ABI3BP: variants seen among roughly 807,000 people sequenced by gnomAD.
ABI3BP encodes target of Nesh-SH3.
Under a neutral mutation model 268.6 loss-of-function variants are expected in ABI3BP, and 216 were observed. That is an observed-to-expected ratio of 0.80 (90% CI 0.72 to 0.90). The LOEUF is 0.90. Ranked by LOEUF, ABI3BP falls within the 40% of genes least tolerant of loss-of-function variation. ABI3BP has a pLI of 0.00. For missense variants in ABI3BP, 2,090 were observed against 2,182.4 expected (o/e 0.96, Z 0.84); for synonymous variants, 730 against 730.0 (o/e 1.00, Z 0.00).
At chr3:100,897,467 A>G (rs1412481593) in intron 4 of ABI3BP, among the ~76,000 whole-genome samples, 2 of 152,204 alleles carry the variant, frequency 1.3e-5, no homozygotes, top group Non-Finnish European at 1.5e-5. Context: ...TTCACATAAT[A>G]GACTATCACT....
At chr3:100,847,796 G>A (rs2098789872) in intron 18 of ABI3BP, 123 bp from the exon 19 acceptor site, 2 of 781,698 alleles carry the variant, frequency 2.6e-6, no homozygotes, top group Non-Finnish European at 4.3e-6. Flanking sequence ...TATACAATGA[G>A]TAAAAGTTTT....
chr3:100,766,791 C>T (rs935743458), intron 62 of ABI3BP, among the ~76,000 whole-genome samples: 19 of 152,016 alleles, frequency 1.2e-4, no homozygotes, highest in African/African-American at 4.3e-4. Flanking sequence ...AACCAAAAAC[C>T]CAAACAATAA....
At chr3:100,956,125 G>A (rs1468652292) in intron 1 of ABI3BP, among the ~76,000 whole-genome samples, 1 of 151,200 alleles carries the variant, frequency 6.6e-6, no homozygotes. Flanking sequence ...GGAAGTGGAG[G>A]TTGCAGTAAG....
chr3:100,911,775 A>G (rs1283600627), intron 2 of ABI3BP: 23 of 1,110,828 alleles, frequency 2.1e-5, no homozygotes, highest in Non-Finnish European at 2.8e-5. Context: ...TTCTGTTATT[A>G]TACTTGGTGT....
chr3:100,962,301 A>G (rs2079434029), intron 1 of ABI3BP, among the ~76,000 whole-genome samples: 1 of 152,188 alleles, frequency 6.6e-6, no homozygotes, highest in Non-Finnish European at 1.5e-5. Flanking sequence ...TCTGCATAAC[A>G]GGAATTGTCT....
At chr3:100,902,787 T>A in intron 2 of ABI3BP, 101 bp from the exon 3 acceptor site, 1 of 923,888 alleles carries the variant, frequency 1.1e-6, no homozygotes, top group Non-Finnish European at 1.7e-6. Context: ...TCATCCTCCA[T>A]AACCGCAGCT....
chr3:100,758,788 T>C (rs916588316), intron 63 of ABI3BP, among the ~76,000 whole-genome samples: 2 of 152,170 alleles, frequency 1.3e-5, no homozygotes, highest in Non-Finnish European at 2.9e-5. Flanking sequence ...GATCAGTTCA[T>C]TGAAAAGTGA....
At chr3:100,858,551 T>C (rs1016869198) in intron 14 of ABI3BP, among the ~76,000 whole-genome samples, 2 of 152,240 alleles carry the variant, frequency 1.3e-5, no homozygotes, top group African/African-American at 4.8e-5. Flanking sequence ...TGAGTACACA[T>C]ATTCTGATTT....
chr3:100,953,235 C>T (rs530606992), intron 1 of ABI3BP, among the ~76,000 whole-genome samples: 2 of 152,284 alleles, frequency 1.3e-5, no homozygotes, highest in Admixed American at 1.3e-4. Context: ...CCTTTCCAAT[C>T]CACCCTTCCC....
chr3:100,795,540 T>C (rs895395618), intron 53 of ABI3BP, among the ~76,000 whole-genome samples: 1 of 152,058 alleles, frequency 6.6e-6, no homozygotes, highest in African/African-American at 2.4e-5. Context: ...GCACCATTAG[T>C]AAACATACTG....
chr3:100,937,610 G>A (rs775561597), intron 1 of ABI3BP, among the ~76,000 whole-genome samples: 2 of 152,042 alleles, frequency 1.3e-5, no homozygotes, highest in Non-Finnish European at 2.9e-5. Context: ...CGGATGGAAG[G>A]TCATTCAAGC....
chr3:100,780,166 T>C lies in ABI3BP; in HGVS notation c.4206A>G (p.Val1402=). ...TAGTGGGGTGGGTAGAGTCCACTGA[T>C]ACATTTCTATCAGCACCTGATGGCC... is the stretch of plus-strand genomic sequence containing the variant. ...APRPSGADRN[V]SVDSTHPTKK... The change falls in exon 58 of 68, where the codon GTA becomes GTG. Residue 1402 remains valine (V), a synonymous_variant. Transcript: ENST00000471714. 1 of 1,613,072 alleles carries C rather than the reference T, an allele frequency of 6.2e-7. No homozygotes were observed. Among genetic ancestry groups the C allele is most frequent in the Non-Finnish European group, 8.5e-7 (1 of 1,179,258 alleles).
intron 10 of ABI3BP, among the ~76,000 whole-genome samples, chr3:100,865,381 A>C (rs1319117227): frequency 6.6e-6 from 1 of 152,184 alleles, no homozygotes; most frequent in African/African-American, 2.4e-5. Flanking sequence ...ACATTATAAG[A>C]CTTCTCTCTT....
chr3:100,860,949 A>G (rs2098991573), intron 14 of ABI3BP, among the ~76,000 whole-genome samples: 1 of 152,212 alleles, frequency 6.6e-6, no homozygotes, highest in East Asian at 1.9e-4. Context: ...TTGTTGCATC[A>G]TAATTACAAT....
rs547087414 is a variant in ABI3BP, at chr3:100,882,568, CAT to C, written c.696+2966_696+2967del. Among the ~76,000 whole-genome samples, 167 of 152,002 alleles carry C rather than the reference CAT, an allele frequency of 1.1e-3. 4 individuals are homozygous for C. The highest frequency in any genetic ancestry group is 4.9e-4 in the Non-Finnish European group (33 of 67,962). On this transcript the variant is annotated intron_variant, in intron 6 of 67. Coordinates refer to ENST00000471714, the MANE Select transcript of ABI3BP (RefSeq NM_001375547.2). ...TGGAAATAACAAAGAGTTTTAAACT[CAT>C]CAGAGCTGGCTGGAGTCAGGATACT...
At position 100,749,319 on chromosome 3, in the gene ABI3BP, A is replaced by AAAC. The variant is rs761969042; in HGVS notation, c.*1173_*1175dup. Reference sequence around the variant, plus strand: ...TACTGATGAACCATTCAGAAATAACAAACAAAAACTCAATCTTAAAAAAAA... The same window carrying AAAC: ...TACTGATGAACCATTCAGAAATAACAAACAACAAAAACTCAATCTTAAAAAAAA... On this transcript the variant is annotated 3_prime_UTR_variant, in exon 68 of 68. Coordinates refer to ENST00000471714, the MANE Select transcript of ABI3BP (RefSeq NM_001375547.2). 1.1e-3 allele frequency: 83 copies of AAAC among 75,986 alleles called. No homozygotes were observed. Among genetic ancestry groups the AAAC allele is most frequent in the Non-Finnish European group, 1.6e-3 (66 of 41,984 alleles). The allele number at this position is 75,986 out of a possible 1,614,324, so 4.7% of individuals were successfully genotyped here.
chr3:100,805,922 T>A lies in ABI3BP; in HGVS notation c.3683-1056A>T, dbSNP rs1183442765. ...TTCACAAATTTGGTTTTGAAGAATC[T>A]GAGTATATTCTGATTTTCACATTGT... On this transcript the variant is annotated intron_variant, in intron 50 of 67. Transcript: ENST00000471714. Among the ~76,000 whole-genome samples the A allele has an allele frequency of 3.3e-5, 5 of 152,084 alleles. No homozygotes were observed. The South Asian group carries it at 1.0e-3, about 32-fold the overall frequency.
intron 1 of ABI3BP, among the ~76,000 whole-genome samples, chr3:100,975,409 G>T (rs557485775): frequency 2.0e-5 from 3 of 152,120 alleles, no homozygotes; most frequent in Admixed American, 6.6e-5. Context: ...TGCCTTGGGG[G>T]AGATGGGCTG....
intron 1 of ABI3BP, among the ~76,000 whole-genome samples, chr3:100,942,759 T>C (rs1312707842): frequency 6.6e-6 from 1 of 152,072 alleles, no homozygotes; most frequent in African/African-American, 2.4e-5. Context: ...CCTATTGAAT[T>C]AGAAACTCTG....
Sources: gnomAD v4.1 joint callset for allele counts (sites outside exome capture counted in the v4.1 genomes callset) on GRCh38, gnomAD v4.1.1 for gene constraint, MANE v1.5 for transcripts, NCBI Gene and HGNC (gene_info 2026-07-23, HGNC 2026-07-21) for gene names.